Variants in CNNM4 observed in about 807,000 individuals in gnomAD.
CNNM4 encodes metal transporter CNNM4.
Under a neutral mutation model 53.7 loss-of-function variants are expected in CNNM4, and 32 were observed. That is an observed-to-expected ratio of 0.60 (90% CI 0.45 to 0.80). CNNM4 has a LOEUF of 0.80. Ranked by LOEUF, CNNM4 falls within the 30% of genes least tolerant of loss-of-function variation. The pLI, the probability that CNNM4 is intolerant of heterozygous loss-of-function variation, is 0.00. For synonymous variants in CNNM4, 410 were observed against 440.0 expected (o/e 0.93, Z 0.85); for missense variants, 784 against 1,022.0 (o/e 0.77, Z 3.17).
Position 96,801,978 on chromosome 2 carries a change from GAC to G in CNNM4, c.1948+2338_1948+2339del, listed in dbSNP as rs918895510. On this transcript the variant is annotated intron_variant, in intron 5 of 6. Coordinates refer to ENST00000377075, the MANE Select transcript of CNNM4 (RefSeq NM_020184.4). The surrounding 1 kb of genome is among the most constrained non-coding windows in gnomAD (Gnocchi z 5.6). ...ACACCCATAGGCACACACACAAAGA[GAC>G]ACACACAGACACACACCCATGGACA... Among the ~76,000 whole-genome samples, 1 of 146,794 alleles carries G rather than the reference GAC, an allele frequency of 6.8e-6. No individual in the cohort carries two copies. The highest frequency in any genetic ancestry group is 1.5e-5 in the Non-Finnish European group (1 of 66,530).
chr2:96,785,680 G>A (rs764041798), intron 1 of CNNM4, among the ~76,000 whole-genome samples: 4 of 151,326 alleles, frequency 2.6e-5, no homozygotes, highest in Non-Finnish European at 4.4e-5. Flanking sequence ...AGCATGTGCC[G>A]GTAGTCCCAG....
intron 1 of CNNM4, among the ~76,000 whole-genome samples, chr2:96,774,876 G>A (rs1218598027): frequency 3.5e-5 from 5 of 143,536 alleles, no homozygotes; most frequent in African/African-American, 1.0e-4. Flanking sequence ...CAGGAGATTC[G>A]CTTGAACCCA....
rs1169036115 is a variant in CNNM4 at position 96,762,267 on chromosome 2, A to C, written c.1268A>C (p.Tyr423Ser). ...DEQSNIVDIL[Y>S]VKDLAFVDPD... Reference sequence around the variant, plus strand: ...CAGTCCAATATTGTAGATATTCTCTACGTCAAAGACTTGGCCTTTGTGGAC... The same window carrying C: ...CAGTCCAATATTGTAGATATTCTCTCCGTCAAAGACTTGGCCTTTGTGGAC... Residue 423 changes from tyrosine (Y) to serine (S), a missense_variant, in exon 1 of 7, where the codon TAC becomes TCC. Tyr to Ser is a moderately radical substitution (Grantham distance 144). Around this residue, in one of 3 missense-constraint regions of CNNM4, gnomAD observed 473 missense variants for 624.6 expected, o/e 0.76. Coordinates refer to ENST00000377075, the MANE Select transcript of CNNM4 (RefSeq NM_020184.4). 1 of 1,614,190 alleles carries C rather than the reference A, an allele frequency of 6.2e-7. No individual in the cohort carries two copies.
chr2:96,797,788 G>A lies in CNNM4; in HGVS notation c.1681+141G>A. ...AGACAACACAGCCACCCCTGGAAGG[G>A]GCCGGGTATCTGCTCCACCCCTGGG... is the stretch of plus-strand genomic sequence containing the variant. On this transcript the variant is annotated intron_variant, in intron 3 of 6. Transcript: ENST00000377075. This position sits in a 1 kb window ranked among gnomAD's most constrained non-coding sequence, Gnocchi z 6.0. 6 of 1,170,554 alleles carry A rather than the reference G, an allele frequency of 5.1e-6. No homozygotes were observed. The highest frequency in any genetic ancestry group is 7.4e-6 in the Non-Finnish European group (6 of 814,262). 72.5% of individuals were successfully genotyped at this position (1,170,554 alleles called of 1,614,324 possible).
At chr2:96,792,591 T>C (rs1359528085) in intron 1 of CNNM4, among the ~76,000 whole-genome samples, 1 of 151,696 alleles carries the variant, frequency 6.6e-6, no homozygotes, top group Non-Finnish European at 1.5e-5. Context: ...TCACCTGAGG[T>C]CAGGAGTTCG....
chr2:96,761,422 G>A lies in CNNM4; in HGVS notation c.423G>A (p.Arg141=), dbSNP rs377110822. Reference sequence around the variant, plus strand: ...TGGTGCTCACCAAGTTCCTCCGGAGGAGCGAGAGCATGAAGCTGTATGCAC... The same window carrying A: ...TGGTGCTCACCAAGTTCCTCCGGAGAAGCGAGAGCATGAAGCTGTATGCAC... The part of the protein sequence containing the change: ...VLVVLTKFLR[R]SESMKLYALC... The change falls in exon 1 of 7, where the codon AGG becomes AGA. Residue 141 remains arginine (R), a synonymous_variant. Coordinates refer to ENST00000377075, the MANE Select transcript of CNNM4 (RefSeq NM_020184.4). This position sits in a 1 kb window ranked among gnomAD's most constrained non-coding sequence, Gnocchi z 6.0. 9.9e-6 allele frequency: 16 copies of A among 1,614,026 alleles called. No homozygotes were observed. The African/African-American group carries it at 2.1e-4, about 22-fold the overall frequency.
At chr2:96,776,047 G>A (rs1005160305) in intron 1 of CNNM4, among the ~76,000 whole-genome samples, 2 of 37,936 alleles carry the variant, frequency 5.3e-5, no homozygotes, top group Non-Finnish European at 1.0e-4. Context: ...TTTTTTTTTT[G>A]AGGTGGAGTC....
chr2:96,771,237 G>A (rs1319051978), intron 1 of CNNM4, among the ~76,000 whole-genome samples: 2 of 151,798 alleles, frequency 1.3e-5, no homozygotes, highest in Non-Finnish European at 2.9e-5. Flanking sequence ...GGCTTATGTC[G>A]TAGGCTAGAG....
chr2:96,783,000 G>A (rs1308122854), intron 1 of CNNM4, among the ~76,000 whole-genome samples: 2 of 152,034 alleles, frequency 1.3e-5, no homozygotes, highest in Admixed American at 6.5e-5. Context: ...GGGGTCAGGA[G>A]TTCAAGACCA....
intron 1 of CNNM4, among the ~76,000 whole-genome samples, chr2:96,781,821 C>T (rs772853297): frequency 1.4e-4 from 21 of 152,114 alleles, no homozygotes; most frequent in Non-Finnish European, 2.8e-4. Context: ...CCAGGCTGTT[C>T]TGGAACTCCT....
At position 96,799,209 on chromosome 2, in the gene CNNM4, T is replaced by G; in HGVS notation, c.1834T>G (p.Phe612Val). 6.2e-7 allele frequency: 1 copy of G among 1,614,176 alleles called. No homozygotes were observed. The highest frequency in any genetic ancestry group is 8.5e-7 in the Non-Finnish European group (1 of 1,180,016). The part of the protein sequence containing the change: ...LYTRNKPADY[F>V]ILILQGKVEV... ...CACCCGAAATAAGCCGGCCGACTAC[T>G]TCATCCTCATCCTGCAGGTGAGCCC... Residue 612 changes from phenylalanine to valine, a missense_variant, in exon 4 of 7, where the codon TTC becomes GTC. Physicochemically the swap from Phe to Val is conservative, Grantham distance 50. This residue lies in a region of CNNM4 where 307 missense variants were observed against 376.3 expected (regional missense o/e 0.82). Transcript: ENST00000377075.
At chr2:96,806,054 G>C (rs1449216808) in intron 5 of CNNM4, among the ~76,000 whole-genome samples, 1 of 145,984 alleles carries the variant, frequency 6.9e-6, no homozygotes, top group Non-Finnish European at 1.5e-5. Flanking sequence ...CCTCCCGGAC[G>C]GGGCGGCTGG....
At chr2:96,799,725 A>G (rs2079141710) in intron 5 of CNNM4, 77 bp downstream of exon 5, 2 of 1,218,468 alleles carry the variant, frequency 1.6e-6, no homozygotes, top group Admixed American at 4.0e-5. Context: ...ACCAGAACTG[A>G]GCATGGGCCC....
rs749703825 is a variant in CNNM4, at chr2:96,761,762, A to G, written c.763A>G (p.Thr255Ala). The part of the protein sequence containing the change: ...SLLLGNVLVN[T>A]SLTILLDNLI... Reference sequence around the variant, plus strand: ...GCTCCTAGGGAACGTGCTGGTCAACACCTCCCTCACAATCCTTCTAGACAA... The same window carrying G: ...GCTCCTAGGGAACGTGCTGGTCAACGCCTCCCTCACAATCCTTCTAGACAA... Residue 255 changes from threonine (T) to alanine (A), a missense_variant, in exon 1 of 7, where the codon ACC becomes GCC. Coordinates refer to ENST00000377075, the MANE Select transcript of CNNM4 (RefSeq NM_020184.4). This position sits in a 1 kb window ranked among gnomAD's most constrained non-coding sequence, Gnocchi z 6.0. The G allele has an allele frequency of 6.2e-6, 10 of 1,611,206 alleles. No homozygotes were observed. Among genetic ancestry groups the G allele is most frequent in the East Asian group, 2.2e-5 (1 of 44,844 alleles).
At chr2:96,802,149 G>A (rs1404626043) in intron 5 of CNNM4, among the ~76,000 whole-genome samples, 4 of 147,312 alleles carry the variant, frequency 2.7e-5, no homozygotes, top group Admixed American at 2.0e-4. Context: ...ACCACACACA[G>A]ACACACACAG....
intron 1 of CNNM4, among the ~76,000 whole-genome samples, chr2:96,791,352 C>G (rs1190670020): frequency 4.6e-5 from 7 of 151,890 alleles, no homozygotes; most frequent in African/African-American, 1.5e-4. Flanking sequence ...GTGGCATCGG[C>G]TGGGTACAGT....
At chr2:96,781,286 G>A (rs1230228532) in intron 1 of CNNM4, among the ~76,000 whole-genome samples, 2 of 150,514 alleles carry the variant, frequency 1.3e-5, no homozygotes, top group Non-Finnish European at 3.0e-5. Context: ...GCCTGATCTC[G>A]AACTCTTGAC....
chr2:96,777,233 A>G (rs2078933024), intron 1 of CNNM4, among the ~76,000 whole-genome samples: 1 of 146,906 alleles, frequency 6.8e-6, no homozygotes, highest in Non-Finnish European at 1.5e-5. Context: ...GTTGGCCAGG[A>G]TGGTCTCAAT....
At chr2:96,790,319 T>A (rs564566467) in intron 1 of CNNM4, among the ~76,000 whole-genome samples, 64 of 151,194 alleles carry the variant, frequency 4.2e-4, no homozygotes, top group African/African-American at 1.5e-3. Flanking sequence ...AATTTTTTTT[T>A]AAAGTTAATT....
Sources: allele counts gnomAD v4.1 joint callset (sites outside exome capture counted in the v4.1 genomes callset), GRCh38; gene constraint gnomAD v4.1.1; regional missense constraint gnomAD v4.1.1; non-coding constraint Gnocchi (gnomAD v3.1); transcripts MANE v1.5; gene names NCBI Gene and HGNC (gene_info 2026-07-23, HGNC 2026-07-21).